The following HFM1 variants were observed in gnomAD, a reference collection of about 807,000 sequenced individuals.
HFM1 encodes helicase for meiosis 1, also known as probable ATP-dependent DNA helicase HFM1.
HFM1 carries 169 observed loss-of-function variants against 192.1 expected under a neutral mutation model. The observed-to-expected ratio is 0.88, with a 90% CI of 0.78 to 1.00. The LOEUF (loss-of-function observed/expected upper bound fraction) is 1.00. Ranked by LOEUF, HFM1 falls within the 50% of genes least tolerant of loss-of-function variation. HFM1 has a pLI of 0.00. For synonymous variants in HFM1, 525 were observed against 537.8 expected, an observed-to-expected ratio of 0.98 and a Z score of 0.33; for missense variants, 1,661 against 1,668.0, an observed-to-expected ratio of 1.00 and a Z score of 0.07.
At chr1:91,268,192 A>AT (rs149522502) in intron 34 of HFM1, among the ~76,000 whole-genome samples, 12 of 152,094 alleles carry the variant, frequency 7.9e-5, no homozygotes, top group African/African-American at 2.9e-4. Context: ...TTTTCAATAC[A>AT]TTTTTTAGGC....
chr1:91,351,748 T>G (rs544327762), intron 16 of HFM1, 105 bp from the exon 17 acceptor site: 1 of 496,078 alleles, frequency 2.0e-6, no homozygotes, highest in South Asian at 4.4e-5. Context: ...TCTCCTTGTC[T>G]GAAATAATAC....
chr1:91,313,884 A>G, intron 29 of HFM1, 73 bp downstream of exon 29: 1 of 761,884 alleles, frequency 1.3e-6, no homozygotes, highest in South Asian at 2.0e-5. Context: ...TTTCTGTACC[A>G]GCATAAAGGA....
At chr1:91,405,249 AG>A (rs1263944119), upstream of HFM1, among the ~76,000 whole-genome samples, 3 of 152,248 alleles carry the variant, frequency 2.0e-5, no homozygotes, top group Non-Finnish European at 4.4e-5. Context: ...TCAGAAATAA[AG>A]TTAAATTTCA....
chr1:91,261,277 GTATT>G lies in HFM1; in HGVS notation c.*9_*12del. 1 of 1,129,708 alleles carries G rather than the reference GTATT, an allele frequency of 8.9e-7. No individual in the cohort carries two copies. The highest frequency in any genetic ancestry group is 1.2e-6 in the Non-Finnish European group (1 of 836,780). The allele number at this position is 1,129,708 out of a possible 1,614,324, so 70.0% of individuals were successfully genotyped here. A position where few individuals can be genotyped will look rare whatever the true frequency, so the allele number is the denominator to read the frequency against. On this transcript the variant is annotated 3_prime_UTR_variant, in exon 39 of 39. Coordinates refer to ENST00000370425, the MANE Select transcript of HFM1 (RefSeq NM_001017975.6). ...ATTCTTTCTCTTATCAATATAAAAA[GTATT>G]TGTTTGTTTTAGAAAATACCATCAA...
intron 25 of HFM1, among the ~76,000 whole-genome samples, chr1:91,317,579 A>G (rs1156711779): frequency 3.9e-5 from 6 of 152,180 alleles, no homozygotes; most frequent in African/African-American, 1.2e-4. Context: ...AAATTCCAAA[A>G]TATTACTACT....
intron 13 of HFM1, among the ~76,000 whole-genome samples, chr1:91,364,632 A>ATATATTTTTTTT (rs753472335): frequency 8.5e-4 from 57 of 66,780 alleles, no homozygotes; most frequent in African/African-American, 3.2e-3. Flanking sequence ...ATATATATAT[A>ATATATTTTTTTT]TTTTTTTTTT....
intron 13 of HFM1, among the ~76,000 whole-genome samples, chr1:91,370,083 T>A (rs1017941157): frequency 6.6e-5 from 10 of 152,124 alleles, no homozygotes; most frequent in Non-Finnish European, 1.5e-4. Context: ...GGCTCTAAAA[T>A]TGAGGCAATA....
intron 30 of HFM1, among the ~76,000 whole-genome samples, chr1:91,285,121 T>C (rs1392490852): frequency 6.6e-6 from 1 of 152,152 alleles, no homozygotes; most frequent in African/African-American, 2.4e-5. Flanking sequence ...CTTTCTGCCA[T>C]GATTGTGAGG....
chr1:91,364,762 TAGCTGGGACTACAGGC>T (rs1452980116), intron 13 of HFM1, among the ~76,000 whole-genome samples: 2 of 150,474 alleles, frequency 1.3e-5, no homozygotes, highest in Admixed American at 1.3e-4. Flanking sequence ...GCCTCCAGGG[TAGCTGGGACTACAGGC>T]ACCAGCCACC....
intron 30 of HFM1, among the ~76,000 whole-genome samples, chr1:91,306,283 G>C (rs1281739649): frequency 6.6e-6 from 1 of 152,162 alleles, no homozygotes. Context: ...GGTGAGCCGA[G>C]ATTGCACCAT....
At chr1:91,270,550 G>A (rs1423313146) in intron 34 of HFM1, among the ~76,000 whole-genome samples, 1 of 148,914 alleles carries the variant, frequency 6.7e-6, no homozygotes, top group Non-Finnish European at 1.5e-5. Flanking sequence ...TACTGTATAG[G>A]AAAAGTTTTT....
intron 30 of HFM1, among the ~76,000 whole-genome samples, chr1:91,296,037 A>G: frequency 6.6e-6 from 1 of 151,362 alleles, no homozygotes; most frequent in South Asian, 2.1e-4. Context: ...CATGCCATTC[A>G]CCTCCCGAGT....
At position 91,404,784 on chromosome 1, in the gene HFM1, G is replaced by GC. The variant is rs761038174; in HGVS notation, c.-28+13dup. The GC allele has an allele frequency of 2.3e-4, 103 of 446,166 alleles. No homozygotes were observed. The East Asian group carries it at 7.4e-3, about 32-fold the overall frequency. The allele number at this position is 446,166 out of a possible 1,614,324, so 27.6% of individuals were successfully genotyped here. ...CCCCACCTTCCCCGCGGGCGTCCGG[G>GC]CCCCTCTCCTCACCTCCCTGCGGAC... On this transcript the variant is annotated intron_variant, in intron 1 of 38. Transcript: ENST00000370425.
At chr1:91,297,214 C>T (rs1173637735) in intron 30 of HFM1, among the ~76,000 whole-genome samples, 2 of 152,178 alleles carry the variant, frequency 1.3e-5, no homozygotes, top group Non-Finnish European at 2.9e-5. Flanking sequence ...AGTCTGAGAT[C>T]AAACTGCAAG....
At chr1:91,268,621 G>A (rs548067732) in intron 34 of HFM1, among the ~76,000 whole-genome samples, 22 of 152,096 alleles carry the variant, frequency 1.4e-4, no homozygotes, top group Admixed American at 2.0e-4. Context: ...TACAAAAAGC[G>A]TATGCTTATG....
At chr1:91,273,687 C>T (rs765873666) in intron 34 of HFM1, 25 bp downstream of exon 34, 6 of 1,169,186 alleles carry the variant, frequency 5.1e-6, no homozygotes, top group Middle Eastern at 1.9e-4. Flanking sequence ...TTTACTCTCT[C>T]AAGTAAGTAT....
At position 91,352,619 on chromosome 1, in the gene HFM1, A is replaced by G; in HGVS notation, c.1864T>C (p.Leu622=). 6.2e-7 allele frequency: 1 copy of G among 1,608,880 alleles called. No homozygotes were observed. ...TTSTLAMGVN[L]PAHLVVIKST... is the part of the protein sequence containing the mutation. ...TTTATAACTACTAGGTGAGCAGGCA[A>G]ATTTACTCCCATAGCTAAAGTACTG... Residue 622 remains leucine (L), a synonymous_variant, in exon 16 of 39, where the codon TTG becomes CTG. Transcript: ENST00000370425.
intron 30 of HFM1, among the ~76,000 whole-genome samples, chr1:91,299,647 A>T (rs1013537478): frequency 2.0e-5 from 3 of 152,328 alleles, no homozygotes; most frequent in African/African-American, 7.2e-5. Flanking sequence ...AAACCGCTCA[A>T]CTACATGGAA....
intron 36 of HFM1, among the ~76,000 whole-genome samples, chr1:91,263,641 T>TA (rs1257584594): frequency 1.3e-5 from 2 of 151,932 alleles, no homozygotes; most frequent in Non-Finnish European, 2.9e-5. Flanking sequence ...TAGTCCCAGC[T>TA]ACTTGGGAGG....
Sources: allele counts gnomAD v4.1 joint callset (sites outside exome capture counted in the v4.1 genomes callset), GRCh38; gene constraint gnomAD v4.1.1; transcripts MANE v1.5; gene names NCBI Gene and HGNC (gene_info 2026-07-23, HGNC 2026-07-21).